The following THEMIS variants were observed in gnomAD, a reference collection of about 807,000 sequenced individuals.
THEMIS encodes the protein protein THEMIS.
THEMIS carries 37 observed loss-of-function variants against 52.6 expected under a neutral mutation model. That is an observed-to-expected ratio of 0.70 (90% CI 0.54 to 0.93). The LOEUF (loss-of-function observed/expected upper bound fraction) is 0.93. Among genes scored for constraint, THEMIS ranks in the 40% least tolerant of loss-of-function variants. The pLI, the probability that THEMIS is intolerant of heterozygous loss-of-function variation, is 0.00. For missense variants in THEMIS, 808 were observed against 763.1 expected (o/e 1.06, Z -0.69); for synonymous variants, 292 against 272.7 (o/e 1.07, Z -0.70).
chr6:127,864,112 A>G (rs1779897521), intron 1 of THEMIS, among the ~76,000 whole-genome samples: 1 of 152,168 alleles, frequency 6.6e-6, no homozygotes, highest in Non-Finnish European at 1.5e-5. Flanking sequence ...ATTAAAATTG[A>G]ACAATATTTT....
intron 2 of THEMIS, among the ~76,000 whole-genome samples, chr6:127,832,454 T>C (rs1778727644): frequency 1.3e-5 from 2 of 152,316 alleles, no homozygotes; most frequent in South Asian, 2.1e-4. Flanking sequence ...TTGAAAGCCA[T>C]AAAAACTAGG....
At chr6:127,846,332 AG>A (rs1779213116) in intron 2 of THEMIS, among the ~76,000 whole-genome samples, 1 of 151,988 alleles carries the variant, frequency 6.6e-6, no homozygotes, top group African/African-American at 2.4e-5. Flanking sequence ...GGAACAAGAA[AG>A]TATGACCTGT....
intron 4 of THEMIS, among the ~76,000 whole-genome samples, chr6:127,772,493 A>AT (rs1261927222): frequency 6.6e-6 from 1 of 152,086 alleles, no homozygotes; most frequent in African/African-American, 2.4e-5. Flanking sequence ...CAGAATCTTC[A>AT]TTTTTAAGGA....
At chr6:127,860,563 T>C (rs1032453031) in intron 1 of THEMIS, among the ~76,000 whole-genome samples, 4 of 152,084 alleles carry the variant, frequency 2.6e-5, no homozygotes, top group African/African-American at 9.7e-5. Context: ...GCCTAAAGAC[T>C]GAAATATGCA....
At chr6:127,819,495 T>C (rs1778260941) in intron 3 of THEMIS, among the ~76,000 whole-genome samples, 1 of 152,226 alleles carries the variant, frequency 6.6e-6, no homozygotes, top group Non-Finnish European at 1.5e-5. Context: ...GAGTATCATA[T>C]TCAGGCTTCT....
intron 5 of THEMIS, among the ~76,000 whole-genome samples, chr6:127,716,535 C>G (rs1344549289): frequency 6.6e-6 from 1 of 151,874 alleles, no homozygotes; most frequent in Non-Finnish European, 1.5e-5. Context: ...AAGAACCATG[C>G]CAGCTCCAGA....
At chr6:127,777,846 A>G (rs1271631681) in intron 4 of THEMIS, among the ~76,000 whole-genome samples, 1 of 152,174 alleles carries the variant, frequency 6.6e-6, no homozygotes, top group Non-Finnish European at 1.5e-5. Context: ...AGATTAGAGT[A>G]CATATGGAAA....
downstream of THEMIS, among the ~76,000 whole-genome samples, chr6:127,705,875 A>C (rs1033523558): frequency 5.3e-5 from 8 of 152,178 alleles, no homozygotes; most frequent in African/African-American, 1.9e-4. Context: ...ACAGTAGTAT[A>C]ATCCATGCTC....
chr6:127,864,583 C>T (rs1198873539), intron 1 of THEMIS, among the ~76,000 whole-genome samples: 1 of 152,058 alleles, frequency 6.6e-6, no homozygotes, highest in Admixed American at 6.6e-5. Flanking sequence ...CCAGAGATTT[C>T]TATAAATACC....
At chr6:127,710,531 C>T (rs1470352586) in intron 5 of THEMIS, among the ~76,000 whole-genome samples, 1 of 151,904 alleles carries the variant, frequency 6.6e-6, no homozygotes. Flanking sequence ...AAAAAGGTAC[C>T]TAATAATTGT....
intron 2 of THEMIS, among the ~76,000 whole-genome samples, chr6:127,854,774 T>A (rs1583356631): frequency 6.6e-6 from 1 of 151,960 alleles, no homozygotes; most frequent in East Asian, 1.9e-4. Context: ...GTGTATATAG[T>A]TGGAACTCAC....
chr6:127,778,205 A>C (rs891200109), intron 4 of THEMIS, among the ~76,000 whole-genome samples: 2 of 152,156 alleles, frequency 1.3e-5, no homozygotes, highest in African/African-American at 4.8e-5. Flanking sequence ...ATCAGTCAGT[A>C]CTATCTAACA....
chr6:127,848,734 T>C (rs1380133923), intron 2 of THEMIS, among the ~76,000 whole-genome samples: 2 of 152,160 alleles, frequency 1.3e-5, no homozygotes, highest in African/African-American at 2.4e-5. Flanking sequence ...TTTTGAGAAG[T>C]GTCTGTTCAT....
At chr6:127,777,365 A>C (rs536504951) in intron 4 of THEMIS, among the ~76,000 whole-genome samples, 1 of 152,174 alleles carries the variant, frequency 6.6e-6, no homozygotes, top group African/African-American at 2.4e-5. Flanking sequence ...TTTGTGGCAG[A>C]GATGTTTCAA....
intron 1 of THEMIS, among the ~76,000 whole-genome samples, chr6:127,906,591 T>C (rs1283613316): frequency 1.3e-5 from 2 of 151,818 alleles, no homozygotes; most frequent in Non-Finnish European, 1.5e-5. Context: ...ATTTATTACT[T>C]TAATGACCAA....
At chr6:127,854,436 GT>G (rs1310844189) in intron 2 of THEMIS, among the ~76,000 whole-genome samples, 1 of 151,774 alleles carries the variant, frequency 6.6e-6, no homozygotes, top group African/African-American at 2.4e-5. Flanking sequence ...TGACTATCCA[GT>G]GAGGTGTATG....
intron 4 of THEMIS, among the ~76,000 whole-genome samples, chr6:127,754,055 A>G (rs1775737378): frequency 6.6e-6 from 1 of 152,164 alleles, no homozygotes; most frequent in Non-Finnish European, 1.5e-5. Flanking sequence ...GTATACATTG[A>G]ATATGTGCAG....
intron 2 of THEMIS, among the ~76,000 whole-genome samples, chr6:127,844,497 T>A (rs1779151136): frequency 2.6e-5 from 4 of 151,936 alleles, no homozygotes; most frequent in Admixed American, 1.3e-4. Context: ...TGTCTTTATC[T>A]GGCCTTATAA....
chr6:127,756,630 A>C (rs1775835799), intron 4 of THEMIS, among the ~76,000 whole-genome samples: 1 of 152,204 alleles, frequency 6.6e-6, no homozygotes, highest in African/African-American at 2.4e-5. Context: ...GAAGAAATAC[A>C]GCCTAGAAGG....
Sources: gnomAD v4.1 joint callset for allele counts (sites outside exome capture counted in the v4.1 genomes callset) on GRCh38, gnomAD v4.1.1 for gene constraint, MANE v1.5 for transcripts, NCBI Gene and HGNC (gene_info 2026-07-23, HGNC 2026-07-21) for gene names.